The following STIM2 variants were observed in gnomAD, a reference collection of about 807,000 sequenced individuals.
STIM2 encodes stromal interaction molecule 2.
A neutral mutation model predicts 85.8 loss-of-function variants in STIM2; 31 were observed. The ratio of observed to expected loss-of-function variants is 0.36; its 90% CI spans 0.27 to 0.49. STIM2 has a LOEUF of 0.49. Among genes scored for constraint, STIM2 ranks in the 20% least tolerant of loss-of-function variants. STIM2 has a pLI of 0.98. For missense variants in STIM2, 841 were observed against 927.6 expected, an observed-to-expected ratio of 0.91 and a Z score of 1.21; for synonymous variants, 356 against 331.1, an observed-to-expected ratio of 1.08 and a Z score of -0.82.
Position 26,995,412 on chromosome 4 carries a change from G to T in STIM2, c.431G>T (p.Trp144Leu). 6.2e-7 allele frequency: 1 copy of T among 1,600,282 alleles called. No individual in the cohort carries two copies. Among genetic ancestry groups the T allele is most frequent in the South Asian group, 1.1e-5 (1 of 89,196 alleles). The change falls in exon 4 of 12, where the codon TGG becomes TTG. Residue 144 changes from tryptophan to leucine, a missense_variant. Physicochemically the swap from Trp to Leu is moderately conservative, Grantham distance 61. Transcript: ENST00000467087. ...TGGACCCTTGAAGACACTCTTCAGT[G>T]GTTGATAGAGTTTGTTGAACTACCC...
intron 3 of STIM2, among the ~76,000 whole-genome samples, chr4:26,984,805 C>T (rs1210293712): frequency 6.6e-6 from 1 of 152,068 alleles, no homozygotes; most frequent in Admixed American, 6.5e-5. Context: ...CCTCAGTGTC[C>T]CCTGTACCAC....
chr4:26,987,296 A>T (rs777221096), intron 3 of STIM2, among the ~76,000 whole-genome samples: 5 of 152,174 alleles, frequency 3.3e-5, no homozygotes, highest in Non-Finnish European at 7.3e-5. Flanking sequence ...CAAAATAGTG[A>T]CATGGTGGTG....
chr4:26,889,684 C>T (rs927109659), intron 1 of STIM2, among the ~76,000 whole-genome samples: 1 of 152,124 alleles, frequency 6.6e-6, no homozygotes, highest in Non-Finnish European at 1.5e-5. Flanking sequence ...GTAGCCAGGT[C>T]GGCCTTGGTA....
chr4:26,972,564 C>G (rs780736841), intron 3 of STIM2, among the ~76,000 whole-genome samples: 1 of 152,134 alleles, frequency 6.6e-6, no homozygotes, highest in Non-Finnish European at 1.5e-5. Flanking sequence ...GTATGTTGAA[C>G]CAGCCTTACA....
chr4:26,976,178 A>T (rs921207978), intron 3 of STIM2, among the ~76,000 whole-genome samples: 1 of 151,958 alleles, frequency 6.6e-6, no homozygotes, highest in Non-Finnish European at 1.5e-5. Context: ...TAGGAAAGGG[A>T]AATCCCCCGA....
At chr4:26,889,947 T>A (rs1170928457) in intron 1 of STIM2, among the ~76,000 whole-genome samples, 3 of 152,240 alleles carry the variant, frequency 2.0e-5, no homozygotes, top group African/African-American at 7.2e-5. Flanking sequence ...ATTTTCCCAA[T>A]TATGTCCTTC....
In STIM2 at chr4:26,874,394, C is replaced by G. The variant is rs149832383; in HGVS notation, c.151+13025C>G. The G allele has an allele frequency of 3.0e-3, 676 of 222,660 alleles. 2 individuals carry two copies. The highest frequency in any genetic ancestry group is 0.014 in the African/African-American group (622 of 43,356). 13.8% of individuals were successfully genotyped at this position (222,660 alleles called of 1,614,324 possible). A position where few individuals can be genotyped will look rare whatever the true frequency, so the allele number is the denominator to read the frequency against. The stretch of plus-strand genomic sequence containing the variant: ...GTCTGACCACTAGGGCCCAGCACCC[C>G]CAACGTCTGCCCGACGCCAAGTACT... On this transcript the variant is annotated intron_variant, in intron 1 of 11. Coordinates refer to ENST00000467087, the MANE Select transcript of STIM2 (RefSeq NM_020860.4).
rs1553845028 is a variant in STIM2 at position 26,885,859 on chromosome 4, A to ATATATGTATATATATATATATATATG, written c.151+24495_151+24496insGTATATATATATATATATATGTATAT. ...TATATATATATATATATATATATAT[A>ATATATGTATATATATATATATATATG]TATATATATATATATGTATATGTCT... On this transcript the variant is annotated intron_variant, in intron 1 of 11. Coordinates refer to ENST00000467087, the MANE Select transcript of STIM2 (RefSeq NM_020860.4). Among the ~76,000 whole-genome samples the ATATATGTATATATATATATATATATG allele has an allele frequency of 2.4e-3, 217 of 89,394 alleles. 11 individuals are homozygous for ATATATGTATATATATATATATATATG. The highest frequency in any genetic ancestry group is 0.013 in the Middle Eastern group (2 of 152). 58.6% of individuals were successfully genotyped at this position (89,394 alleles called of 152,430 possible). A position where few individuals can be genotyped will look rare whatever the true frequency, so the allele number is the denominator to read the frequency against.
chr4:26,875,890 A>G (rs1002532060), intron 1 of STIM2, among the ~76,000 whole-genome samples: 12 of 152,218 alleles, frequency 7.9e-5, no homozygotes, highest in Admixed American at 6.5e-4. Flanking sequence ...CGTGTTCTGA[A>G]TTAGTAATTC....
At chr4:26,992,210 A>C (rs993166058) in intron 3 of STIM2, among the ~76,000 whole-genome samples, 2 of 152,202 alleles carry the variant, frequency 1.3e-5, no homozygotes, top group Admixed American at 6.5e-5. Flanking sequence ...ATGTAAAATT[A>C]GATTTTCATA....
intron 11 of STIM2, chr4:27,021,329 G>A (rs1728905682): frequency 2.4e-6 from 1 of 412,246 alleles, no homozygotes; most frequent in African/African-American, 2.0e-5. Flanking sequence ...ACAAAGACAG[G>A]TAAAAGGAAA....
chr4:27,010,829 C>T (rs13105390), intron 10 of STIM2, among the ~76,000 whole-genome samples: 30,302 of 152,148 alleles, frequency 0.2, 3,823 homozygotes, highest in Middle Eastern at 0.3. Flanking sequence ...AGAAAAAACA[C>T]AGAAAATATC....
chr4:26,874,294 T>G, intron 1 of STIM2: 1 of 389,416 alleles, frequency 2.6e-6, no homozygotes, highest in Non-Finnish European at 5.1e-6. Context: ...CTGCTCCTGG[T>G]ACTGGAGAGA....
At chr4:27,007,882 A>T in intron 8 of STIM2, 182 bp downstream of exon 8, 4 of 726,740 alleles carry the variant, frequency 5.5e-6, no homozygotes, top group Middle Eastern at 2.4e-4. Context: ...AAATTACTGC[A>T]TTTGGAGAAG....
chr4:26,996,259 TTTAA>T (rs1343321759), intron 4 of STIM2, among the ~76,000 whole-genome samples: 4 of 152,002 alleles, frequency 2.6e-5, no homozygotes, highest in African/African-American at 7.2e-5. Flanking sequence ...TTTTAATTAA[TTTAA>T]TTAACTTAAT....
At chr4:26,903,233 C>G (rs564017911) in intron 1 of STIM2, among the ~76,000 whole-genome samples, 2 of 152,128 alleles carry the variant, frequency 1.3e-5, no homozygotes, top group Non-Finnish European at 2.9e-5. Context: ...GCCCTTAAAT[C>G]CATACTCTGC....
chr4:26,864,441 G>C (rs1225597543), intron 1 of STIM2, among the ~76,000 whole-genome samples: 1 of 151,870 alleles, frequency 6.6e-6, no homozygotes, highest in Non-Finnish European at 1.5e-5. Flanking sequence ...GGGAGTGACC[G>C]ATCTCATCCA....
chr4:26,958,081 A>T (rs908418037), intron 3 of STIM2, among the ~76,000 whole-genome samples: 1 of 152,136 alleles, frequency 6.6e-6, no homozygotes, highest in East Asian at 1.9e-4. Context: ...GTTGTGGAGA[A>T]TAGTTCCTAA....
At position 27,007,593 on chromosome 4, in the gene STIM2, C is replaced by G. The variant is rs778812591; in HGVS notation, c.1042C>G (p.Pro348Ala). ...TGAACTGAGAAGCAGTTGGTCTGTT[C>G]CAGATGCACTTCAGAAATGGCTTCA... Residue 348 changes from proline to alanine, a missense_variant, in exon 8 of 12, where the codon CCA becomes GCA. By Grantham distance (27) the Pro-to-Ala change is conservative. Coordinates refer to ENST00000467087, the MANE Select transcript of STIM2 (RefSeq NM_020860.4). 3.1e-6 allele frequency: 5 copies of G among 1,606,778 alleles called. No individual in the cohort carries two copies. The highest frequency in any genetic ancestry group is 4.2e-6 in the Non-Finnish European group (5 of 1,177,192).
Sources: gnomAD v4.1 joint callset for allele counts (sites outside exome capture counted in the v4.1 genomes callset) on GRCh38, gnomAD v4.1.1 for gene constraint, MANE v1.5 for transcripts, NCBI Gene and HGNC (gene_info 2026-07-23, HGNC 2026-07-21) for gene names.